PHC3: variants seen among roughly 807,000 people sequenced by gnomAD.
PHC3 encodes polyhomeotic homolog 3, also known as polyhomeotic-like protein 3.
PHC3 carries 13 observed loss-of-function variants against 107.4 expected under a neutral mutation model. That is an observed-to-expected ratio of 0.12 (90% confidence interval 0.08 to 0.19). The LOEUF is 0.19. Among genes scored for constraint, PHC3 ranks in the 10% least tolerant of loss-of-function variants. The pLI is 1.00. For missense variants in PHC3, 992 were observed against 1,210.9 expected (o/e 0.82, Z 2.68); for synonymous variants, 456 against 427.4 (o/e 1.07, Z -0.83).
At position 170,169,189 on chromosome 3, in the gene PHC3, A is replaced by G. The variant is rs1054028555; in HGVS notation, c.414+2184T>C. Among the ~76,000 whole-genome samples, 10 of 152,134 alleles carry G rather than the reference A, an allele frequency of 6.6e-5. No homozygotes were observed. The East Asian group carries it at 1.5e-3, about 23-fold the overall frequency. On this transcript the variant is annotated intron_variant, in intron 4 of 14. Transcript: ENST00000495893. ...GACTTGATTTTTAAAATAATATTCC[A>G]TTTCCCCATTGGGATCCCACTCCTA...
intron 10 of PHC3, among the ~76,000 whole-genome samples, chr3:170,114,023 TTTTC>T (rs1718396311): frequency 2.6e-5 from 4 of 152,274 alleles, no homozygotes; most frequent in African/African-American, 4.8e-5. Context: ...TTTTAGCGTT[TTTTC>T]TTTCTTTCTT....
At position 170,117,298 on chromosome 3, in the gene PHC3, A is replaced by G. The variant is rs1203090970; in HGVS notation, c.2121T>C (p.Ala707=). Residue 707 remains alanine (A), a synonymous_variant, in exon 10 of 15, where the codon GCT becomes GCC. Transcript: ENST00000495893. ...GGGTTAGGATCTGTGGTTTAACAAT[A>G]GCCTGTGGAGGTTTGTTCTCTATAC... is the stretch of plus-strand genomic sequence containing the variant. ...IPSIENKPPQ[A]IVKPQILTHV... 6.2e-7 allele frequency: 1 copy of G among 1,613,974 alleles called. No individual in the cohort carries two copies. The highest frequency in any genetic ancestry group is 8.5e-7 in the Non-Finnish European group (1 of 1,179,868).
Position 170,129,371 on chromosome 3 carries a change from G to C in PHC3, c.1101C>G (p.Leu367=). 6.2e-7 allele frequency: 1 copy of C among 1,613,908 alleles called. No individual in the cohort carries two copies. Among genetic ancestry groups the C allele is most frequent in the African/African-American group, 1.3e-5 (1 of 75,010 alleles). ...DPPPSQHCIP[L]QNHGLPPAPS... Reference sequence around the variant, plus strand: ...GAGCTGGAGGAAGGCCATGGTTCTGGAGTGGTATACAGTGCTGGGATGGGG... The same window carrying C: ...GAGCTGGAGGAAGGCCATGGTTCTGCAGTGGTATACAGTGCTGGGATGGGG... Residue 367 remains leucine, a synonymous_variant, in exon 8 of 15, where the codon CTC becomes CTG. Coordinates refer to ENST00000495893, the MANE Select transcript of PHC3 (RefSeq NM_024947.4).
rs1055895651 is a variant in PHC3 at position 170,092,970 on chromosome 3, T to C, written c.*4260A>G. 1 of 152,210 alleles carries C rather than the reference T, an allele frequency of 6.6e-6. No homozygotes were observed. The highest frequency in any genetic ancestry group is 6.5e-5 in the Admixed American group (1 of 15,272). The allele number at this position is 152,210 out of a possible 1,614,324, so 9.4% of individuals were successfully genotyped here. ...TATTTTGAACTATGGATGAAAGCCA[T>C]ATCTATCCTAAATATCTTCTATCCT... On this transcript the variant is annotated 3_prime_UTR_variant, in exon 15 of 15. Coordinates refer to ENST00000495893, the MANE Select transcript of PHC3 (RefSeq NM_024947.4).
Position 170,129,041 on chromosome 3 carries a change from G to A in PHC3, c.1431C>T (p.His477=). The change falls in exon 8 of 15, where the codon CAC becomes CAT. Residue 477 remains histidine, a synonymous_variant. Transcript: ENST00000495893. ...HLPLPASPVV[H]IGPVQQSALV... is the part of the protein sequence containing the mutation. ...AGGCAGACTGCTGAACTGGGCCAAT[G>A]TGTACAACAGGGGAAGCTGGAAGTG... 6 of 1,612,492 alleles carry A rather than the reference G, an allele frequency of 3.7e-6. No homozygotes were observed. The highest frequency in any genetic ancestry group is 4.2e-6 in the Non-Finnish European group (5 of 1,179,118).
At chr3:170,179,682 A>G (rs1479489019) in intron 1 of PHC3, among the ~76,000 whole-genome samples, 3 of 152,226 alleles carry the variant, frequency 2.0e-5, no homozygotes, top group African/African-American at 7.2e-5. Flanking sequence ...TGGACAGTAA[A>G]GTACACTTTT....
chr3:170,157,822 G>A (rs1727126906), intron 4 of PHC3, among the ~76,000 whole-genome samples: 1 of 151,788 alleles, frequency 6.6e-6, no homozygotes. Context: ...CTGACCCACT[G>A]AATATACTCT....
Position 170,089,914 on chromosome 3 carries a change from C to CAAAAAA in PHC3, c.*7310_*7315dup, listed in dbSNP as rs1178846219. On this transcript the variant is annotated 3_prime_UTR_variant, in exon 15 of 15. Transcript: ENST00000495893. ...CCTGGGCAACAGAGCGAACCCATCT[C>CAAAAAA]AAAAAAAAAAAAAAGAAAAAAAAAA... 2 of 43,604 alleles carry CAAAAAA rather than the reference C, an allele frequency of 4.6e-5. No homozygotes were observed. The highest frequency in any genetic ancestry group is 1.3e-4 in the African/African-American group (2 of 14,872). 2.7% of individuals were successfully genotyped at this position (43,604 alleles called of 1,614,324 possible). A position where few individuals can be genotyped will look rare whatever the true frequency, so the allele number is the denominator to read the frequency against.
In PHC3 at chr3:170,093,134, G is replaced by T. The variant is rs2108230002; in HGVS notation, c.*4096C>A. ...AGAGATTGAGCAATCATTTTGCATA[G>T]ATGCGCCAGTTTCCACTGCCCAAAG... On this transcript the variant is annotated 3_prime_UTR_variant, in exon 15 of 15. Transcript: ENST00000495893. 1 of 152,278 alleles carries T rather than the reference G, an allele frequency of 6.6e-6. No homozygotes were observed. The highest frequency in any genetic ancestry group is 1.9e-4 in the East Asian group (1 of 5,186). 9.4% of individuals were successfully genotyped at this position (152,278 alleles called of 1,614,324 possible).
chr3:170,140,509 C>A (rs1322765727), intron 6 of PHC3, among the ~76,000 whole-genome samples: 1 of 151,588 alleles, frequency 6.6e-6, no homozygotes, highest in African/African-American at 2.4e-5. Context: ...CCATCTCAGC[C>A]TCCCAAAGTG....
intron 14 of PHC3, among the ~76,000 whole-genome samples, chr3:170,099,989 T>C (rs188997690): frequency 6.6e-6 from 1 of 152,170 alleles, no homozygotes; most frequent in African/African-American, 2.4e-5. Flanking sequence ...ATAAGAATTA[T>C]TCCTGTAGAT....
At chr3:170,100,505 TAAAGA>T (rs1715298770) in intron 14 of PHC3, among the ~76,000 whole-genome samples, 1 of 152,134 alleles carries the variant, frequency 6.6e-6, no homozygotes, top group African/African-American at 2.4e-5. Context: ...ATTTCATAAG[TAAAGA>T]AGAGAGTCAT....
At chr3:170,123,684 T>C (rs979468743) in intron 8 of PHC3, among the ~76,000 whole-genome samples, 1 of 151,202 alleles carries the variant, frequency 6.6e-6, no homozygotes, top group African/African-American at 2.4e-5. Flanking sequence ...TTCCAGCTAC[T>C]TGGGAGGCTG....
rs569180953 is a variant in PHC3 at position 170,159,798 on chromosome 3, A to G, written c.415-10554T>C. On this transcript the variant is annotated intron_variant, in intron 4 of 14. Transcript: ENST00000495893. ...GAAAGAAAAAACAGGCAGTTACCCC[A>G]GAAGAATGATAATGGAACTAACAAC... Among the ~76,000 whole-genome samples the G allele has an allele frequency of 2.2e-3, 339 of 152,362 alleles. 1 individual carries two copies. Among genetic ancestry groups the G allele is most frequent in the Non-Finnish European group, 3.9e-3 (267 of 68,030 alleles).
Position 170,102,694 on chromosome 3 carries a change from G to A in PHC3, c.2618C>T (p.Pro873Leu), listed in dbSNP as rs1251309995. The stretch of plus-strand genomic sequence containing the variant: ...AGAAGCCAAGTCTTCTTCTGCAGAT[G>A]GATAAGTAATTGGAAGCTGGAAAAT... Reference protein sequence around the residue: ...HILRQLPITYPSAEEDLASHE... With the variant: ...HILRQLPITYLSAEEDLASHE... The change falls in exon 14 of 15, where the codon CCA (proline) becomes CTA (leucine). Residue 873 changes from proline (P) to leucine (L), a missense_variant. By Grantham distance (98) the Pro-to-Leu change is moderately conservative (BLOSUM62 -3). Around this residue, in one of 6 missense-constraint regions of PHC3, gnomAD observed 228 missense variants for 288.8 expected, o/e 0.79. Transcript: ENST00000495893. 2 of 1,613,944 alleles carry A rather than the reference G, an allele frequency of 1.2e-6. No homozygotes were observed. Among genetic ancestry groups the A allele is most frequent in the Admixed American group, 1.7e-5 (1 of 60,006 alleles).
At chr3:170,113,211 T>C in intron 11 of PHC3, 149 bp downstream of exon 11, 1 of 634,768 alleles carries the variant, frequency 1.6e-6, no homozygotes, top group Non-Finnish European at 2.4e-6. Context: ...TGATTAGCTT[T>C]CCCATTATTT....
At chr3:170,149,335 G>A (rs1028951773) in intron 4 of PHC3, 91 bp from the exon 5 acceptor site, 117 of 1,274,830 alleles carry the variant, frequency 9.2e-5, no homozygotes, top group Non-Finnish European at 1.2e-4. Flanking sequence ...GCAATCAATG[G>A]TATAAACTGT....
In PHC3 at chr3:170,129,305, ACT is replaced by A; in HGVS notation, c.1165_1166del (p.His390SerfsTer9). The A allele has an allele frequency of 1.2e-6, 2 of 1,613,878 alleles. No individual in the cohort carries two copies. Among genetic ancestry groups the A allele is most frequent in the East Asian group, 2.2e-5 (1 of 44,852 alleles). ...AQSQHCSPIQ[S>X]HPSPLTVSPN... ...GAGACACTGTTAAAGGAGAGGGATG[ACT>A]CTGAATCGGTGAACAATGCTGTGAC... is the stretch of plus-strand genomic sequence containing the variant. On this transcript the variant is annotated frameshift_variant, in exon 8 of 15. Transcript: ENST00000495893. LOFTEE classifies it high-confidence loss of function.
At chr3:170,135,164 T>C (rs1387254985) in intron 7 of PHC3, among the ~76,000 whole-genome samples, 1 of 151,894 alleles carries the variant, frequency 6.6e-6, no homozygotes, top group Non-Finnish European at 1.5e-5. Context: ...TGTTTGTTTG[T>C]TTTTGAGACA....
Sources: gnomAD v4.1 joint callset for allele counts (sites outside exome capture counted in the v4.1 genomes callset) on GRCh38, gnomAD v4.1.1 for gene constraint, gnomAD v4.1.1 regional missense constraint, MANE v1.5 for transcripts, NCBI Gene and HGNC (gene_info 2026-07-23, HGNC 2026-07-21) for gene names.